The following BACH2 variants were observed in gnomAD, a reference collection of about 807,000 sequenced individuals.
BACH2 encodes transcription regulator protein BACH2.
Under a neutral mutation model 61.8 loss-of-function variants are expected in BACH2, and 5 were observed. That is an observed-to-expected ratio of 0.08 (90% confidence interval 0.04 to 0.17). BACH2 has a LOEUF of 0.17. Ranked by LOEUF, BACH2 falls within the 10% of genes least tolerant of loss-of-function variation. The probability of loss-of-function intolerance (pLI) is 1.00; values close to 1 mark genes in which losing one functional copy is unlikely to be tolerated. For synonymous variants in BACH2, 446 were observed against 440.1 expected (o/e 1.01, Z -0.17); for missense variants, 824 against 1,091.1 (o/e 0.76, Z 3.45).
chr6:90,004,467 A>G (rs955316239), intron 6 of BACH2, among the ~76,000 whole-genome samples: 4 of 152,212 alleles, frequency 2.6e-5, no homozygotes, highest in African/African-American at 9.6e-5. Context: ...GGACACAGGA[A>G]GCAAGCCAGA....
intron 4 of BACH2, among the ~76,000 whole-genome samples, chr6:90,176,722 G>T (rs1767995175): frequency 6.6e-6 from 1 of 152,106 alleles, no homozygotes; most frequent in Non-Finnish European, 1.5e-5. Flanking sequence ...TGGTGACAGA[G>T]TCCAATTGCC....
chr6:90,024,348 C>A (rs574511748), intron 5 of BACH2, among the ~76,000 whole-genome samples: 1 of 152,134 alleles, frequency 6.6e-6, no homozygotes, highest in Non-Finnish European at 1.5e-5. Context: ...CAAATCTAAC[C>A]AATTCCAAGT....
chr6:90,174,348 A>G (rs983715362), intron 4 of BACH2, among the ~76,000 whole-genome samples: 1 of 152,076 alleles, frequency 6.6e-6, no homozygotes, highest in Non-Finnish European at 1.5e-5. Context: ...TCAATAAAAT[A>G]CAACATTCAT....
intron 5 of BACH2, among the ~76,000 whole-genome samples, chr6:90,065,270 C>CCTTTTTTTTTTTTTTTTT (rs1780894736): frequency 1.9e-5 from 1 of 52,646 alleles, no homozygotes; most frequent in Non-Finnish European, 3.4e-5. Flanking sequence ...GCCGCCCCCA[C>CCTTTTTTTTTTTTTTTTT]TTTTTTTTTT....
At chr6:90,093,899 T>C (rs1267437816) in intron 4 of BACH2, among the ~76,000 whole-genome samples, 1 of 152,210 alleles carries the variant, frequency 6.6e-6, no homozygotes, top group Non-Finnish European at 1.5e-5. Context: ...ATGGTAATGC[T>C]ACACTAAGCA....
intron 1 of BACH2, among the ~76,000 whole-genome samples, chr6:90,295,658 T>TGC (rs1772327752): frequency 8.5e-6 from 1 of 117,552 alleles, no homozygotes; most frequent in Admixed American, 8.0e-5. Flanking sequence ...GTGTAGGGTG[T>TGC]GTGTGTGTGT....
chr6:90,264,798 C>G (rs893328684), intron 2 of BACH2, among the ~76,000 whole-genome samples: 1 of 152,170 alleles, frequency 6.6e-6, no homozygotes, highest in African/African-American at 2.4e-5. Context: ...CCTGCTGTCT[C>G]TCCAGCTGTC....
chr6:90,147,282 T>G (rs1391641310), intron 4 of BACH2, among the ~76,000 whole-genome samples: 4 of 152,192 alleles, frequency 2.6e-5, no homozygotes, highest in African/African-American at 9.6e-5. Flanking sequence ...ATTTCATAAT[T>G]TATCCCTTCC....
intron 1 of BACH2, among the ~76,000 whole-genome samples, chr6:90,289,027 C>A (rs968500818): frequency 6.6e-6 from 1 of 152,122 alleles, no homozygotes; most frequent in African/African-American, 2.4e-5. Context: ...CCTAAATGGA[C>A]ACTAAAACCT....
chr6:90,032,244 A>T (rs1049865358), intron 5 of BACH2, among the ~76,000 whole-genome samples: 3 of 150,944 alleles, frequency 2.0e-5, no homozygotes, highest in Non-Finnish European at 2.9e-5. Flanking sequence ...ACCTAAAACC[A>T]TAAAAACCCT....
intron 2 of BACH2, among the ~76,000 whole-genome samples, chr6:90,265,741 G>T (rs1256498832): frequency 6.6e-6 from 1 of 152,172 alleles, no homozygotes; most frequent in Non-Finnish European, 1.5e-5. Context: ...CAGGCATGGT[G>T]CTAAGAGACT....
At position 90,030,339 on chromosome 6, in the gene BACH2, G is replaced by A. The variant is rs553529993; in HGVS notation, c.-12-21483C>T. On this transcript the variant is annotated intron_variant, in intron 5 of 8. Transcript: ENST00000257749. ...GGCCTCTGCTGCCCTGGGAGTAGAC[G>A]TGGCTCTGGAAGGCCTGGGTTTGAG... is the stretch of plus-strand genomic sequence containing the variant. 9.4e-4 allele frequency among the ~76,000 whole-genome samples: 143 copies of A among 152,250 alleles called. 1 individual carries two copies. Among genetic ancestry groups the A allele is most frequent in the Non-Finnish European group, 1.7e-3 (116 of 68,010 alleles).
Position 90,079,915 on chromosome 6 carries a change from AT to A in BACH2, c.-13+9045del, listed in dbSNP as rs557285186. On this transcript the variant is annotated intron_variant, in intron 5 of 8. Coordinates refer to ENST00000257749, the MANE Select transcript of BACH2 (RefSeq NM_021813.4). ...TTTTCCAGTTAGTGTTTGTACTTTC[AT>A]TTTTTTTTTTTTTCTGTCTCAGGAC... Among the ~76,000 whole-genome samples the A allele has an allele frequency of 9.2e-3, 1,297 of 141,248 alleles. 17 individuals carry two copies. The highest frequency in any genetic ancestry group is 0.027 in the African/African-American group (1,043 of 38,572). 92.7% of individuals were successfully genotyped at this position (141,248 alleles called of 152,430 possible).
chr6:89,936,926 G>A (rs1191957033), intron 8 of BACH2, among the ~76,000 whole-genome samples: 2 of 152,066 alleles, frequency 1.3e-5, no homozygotes, highest in Admixed American at 6.6e-5. Context: ...GCCTGACACA[G>A]ACATGGCACC....
chr6:89,949,969 G>A (rs888542724), intron 7 of BACH2: 3 of 443,306 alleles, frequency 6.8e-6, no homozygotes, highest in African/African-American at 4.0e-5. Flanking sequence ...GAAAGAGGGG[G>A]GTCTGGAGTG....
At chr6:90,136,245 A>G (rs1784267341) in intron 4 of BACH2, among the ~76,000 whole-genome samples, 1 of 152,152 alleles carries the variant, frequency 6.6e-6, no homozygotes, top group South Asian at 2.1e-4. Flanking sequence ...TTCTTTTTAT[A>G]AACTTCAGGG....
At chr6:90,045,054 A>C (rs1779714751) in intron 5 of BACH2, among the ~76,000 whole-genome samples, 1 of 152,216 alleles carries the variant, frequency 6.6e-6, no homozygotes, top group South Asian at 2.1e-4. Flanking sequence ...TGAATGAATG[A>C]ATAAGCAAGT....
chr6:89,991,796 C>A (rs1358900012), intron 6 of BACH2, among the ~76,000 whole-genome samples: 3 of 151,828 alleles, frequency 2.0e-5, no homozygotes, highest in Non-Finnish European at 4.4e-5. Context: ...CTAGGGCAAT[C>A]CCCCCATCAT....
At chr6:90,191,225 T>G (rs1205944879) in intron 4 of BACH2, among the ~76,000 whole-genome samples, 2 of 152,202 alleles carry the variant, frequency 1.3e-5, no homozygotes, top group Non-Finnish European at 2.9e-5. Flanking sequence ...AAACCAGTTT[T>G]AAGGAACTGT....
Sources: allele counts gnomAD v4.1 joint callset (sites outside exome capture counted in the v4.1 genomes callset), GRCh38; gene constraint gnomAD v4.1.1; transcripts MANE v1.5; gene names NCBI Gene and HGNC (gene_info 2026-07-23, HGNC 2026-07-21).